DDR2: variants seen among roughly 807,000 people sequenced by gnomAD.
DDR2 encodes discoidin domain-containing receptor 2.
Under a neutral mutation model 94.9 loss-of-function variants are expected in DDR2, and 27 were observed. The ratio of observed to expected loss-of-function variants is 0.28; its 90% CI spans 0.21 to 0.39. DDR2 has a LOEUF of 0.39. DDR2 is among the 10% of genes least tolerant of loss of function. The pLI is 1.00. For missense variants in DDR2, 783 were observed against 1,076.0 expected (o/e 0.73, Z 3.81); for synonymous variants, 382 against 377.2 (o/e 1.01, Z -0.15).
At chr1:162,667,638 A>G (rs1453888277) in intron 2 of DDR2, among the ~76,000 whole-genome samples, 1 of 152,234 alleles carries the variant, frequency 6.6e-6, no homozygotes, top group Non-Finnish European at 1.5e-5. Context: ...GACCAGCATA[A>G]GAAGAGCTGT....
At chr1:162,666,169 A>G (rs950527995) in intron 2 of DDR2, among the ~76,000 whole-genome samples, 3 of 152,202 alleles carry the variant, frequency 2.0e-5, no homozygotes, top group Non-Finnish European at 4.4e-5. Flanking sequence ...CAACCTCACA[A>G]GAGGAGTCAG....
intron 2 of DDR2, among the ~76,000 whole-genome samples, chr1:162,665,723 C>T (rs367585726): frequency 5.9e-5 from 9 of 152,262 alleles, no homozygotes; most frequent in Non-Finnish European, 7.4e-5. Flanking sequence ...GAACACTTCT[C>T]TAAATCCTTT....
chr1:162,680,916 GA>G, intron 2 of DDR2, among the ~76,000 whole-genome samples: 1 of 152,300 alleles, frequency 6.6e-6, no homozygotes, highest in East Asian at 1.9e-4. Flanking sequence ...GGGACTTGCT[GA>G]TTATCTTTGG....
intron 5 of DDR2, 117 bp from the exon 6 acceptor site, chr1:162,755,039 T>G: frequency 1.3e-6 from 2 of 1,493,260 alleles, no homozygotes; most frequent in Non-Finnish European, 1.9e-6. Context: ...GAAAGCAGAG[T>G]AGATGCATTC....
At chr1:162,767,711 A>ATT (rs1010540011) in intron 11 of DDR2, among the ~76,000 whole-genome samples, 1 of 152,192 alleles carries the variant, frequency 6.6e-6, no homozygotes, top group Non-Finnish European at 1.5e-5. Context: ...TCTGATGCAC[A>ATT]TTCGAGGTTA....
rs139858685 is a variant in DDR2 at position 162,694,555 on chromosome 1, C to T, written c.-27-24482C>T. Among the ~76,000 whole-genome samples, 1,223 of 152,278 alleles carry T rather than the reference C, an allele frequency of 8.0e-3. 8 individuals carry two copies. The highest frequency in any genetic ancestry group is 0.013 in the Non-Finnish European group (865 of 68,016). On this transcript the variant is annotated intron_variant, in intron 2 of 17. Coordinates refer to ENST00000367921, the MANE Select transcript of DDR2 (RefSeq NM_006182.4). Reference sequence around the variant, plus strand: ...TGGCCAAGTCCCTGTGTTCTCCTATCGTTGCCCCGTCATATCATTTTGTCA... The same window carrying T: ...TGGCCAAGTCCCTGTGTTCTCCTATTGTTGCCCCGTCATATCATTTTGTCA...
chr1:162,711,239 A>T (rs1049165743), intron 2 of DDR2, among the ~76,000 whole-genome samples: 1 of 152,208 alleles, frequency 6.6e-6, no homozygotes, highest in African/African-American at 2.4e-5. Context: ...CCAGCACTGG[A>T]TTCTTTTGTC....
Position 162,782,512 on chromosome 1 carries a change from A to G in DDR2, c.*2266A>G, listed in dbSNP as rs1335141665. 1.3e-5 allele frequency: 2 copies of G among 152,166 alleles called. No homozygotes were observed. The highest frequency in any genetic ancestry group is 2.9e-5 in the Non-Finnish European group (2 of 68,024). 9.4% of individuals were successfully genotyped at this position (152,166 alleles called of 1,614,324 possible). On this transcript the variant is annotated 3_prime_UTR_variant, in exon 18 of 18. Coordinates refer to ENST00000367921, the MANE Select transcript of DDR2 (RefSeq NM_006182.4). The stretch of plus-strand genomic sequence containing the variant: ...GATACCTTGGGACCTGCCACACTCC[A>G]CTTTCAAGATATGTATTAGCTTCAT...
chr1:162,652,606 A>G (rs1208871021), intron 1 of DDR2, among the ~76,000 whole-genome samples: 1 of 152,236 alleles, frequency 6.6e-6, no homozygotes. Flanking sequence ...TTCACAGACA[A>G]TAAGGAGAGA....
intron 3 of DDR2, among the ~76,000 whole-genome samples, chr1:162,719,419 A>G (rs1280131302): frequency 1.3e-5 from 2 of 152,228 alleles, no homozygotes; most frequent in African/African-American, 4.8e-5. Context: ...GAGGTGGCAG[A>G]AGCAACCATT....
At chr1:162,706,094 C>T (rs1660648909) in intron 2 of DDR2, among the ~76,000 whole-genome samples, 1 of 152,122 alleles carries the variant, frequency 6.6e-6, no homozygotes. Context: ...ATTATTGTGG[C>T]CTAGAAGAAG....
intron 3 of DDR2, among the ~76,000 whole-genome samples, chr1:162,731,588 A>G (rs1662048113): frequency 6.6e-6 from 1 of 152,208 alleles, no homozygotes; most frequent in Admixed American, 6.5e-5. Context: ...TACTACCATG[A>G]AATTGAGAGG....
intron 2 of DDR2, among the ~76,000 whole-genome samples, chr1:162,717,046 C>G (rs1448202210): frequency 6.6e-6 from 1 of 151,428 alleles, no homozygotes; most frequent in Non-Finnish European, 1.5e-5. Context: ...TATTCTAGAA[C>G]AGTTTTTTTT....
chr1:162,690,723 TAA>T (rs1368737698), intron 2 of DDR2, among the ~76,000 whole-genome samples: 2 of 152,170 alleles, frequency 1.3e-5, no homozygotes, highest in South Asian at 2.1e-4. Context: ...TGACTAAAAA[TAA>T]ATTAAAGCAA....
At chr1:162,773,676 T>A in intron 14 of DDR2, 80 bp downstream of exon 14, 1 of 1,593,418 alleles carries the variant, frequency 6.3e-7, no homozygotes, top group African/African-American at 1.3e-5. Context: ...TTCTGAGCAA[T>A]TTTTTCTTTT....
chr1:162,655,089 C>T (rs1256193589), intron 1 of DDR2, 122 bp from the exon 2 acceptor site: 1 of 151,976 alleles, frequency 6.6e-6, no homozygotes, highest in Non-Finnish European at 1.5e-5. Context: ...CATCCAATTC[C>T]TTTAGTGCCT....
At chr1:162,755,818 GAAT>G (rs898244107) in intron 7 of DDR2, 49 bp downstream of exon 7, 8 of 1,445,302 alleles carry the variant, frequency 5.5e-6, no homozygotes, top group Non-Finnish European at 7.8e-6. Context: ...CACTAAGAAA[GAAT>G]AATATTTTAT....
At chr1:162,743,365 C>T (rs569306934) in intron 3 of DDR2, among the ~76,000 whole-genome samples, 1 of 152,092 alleles carries the variant, frequency 6.6e-6, no homozygotes, top group Admixed American at 6.5e-5. Flanking sequence ...TCACGTGAAA[C>T]CTTTTTCCCT....
chr1:162,727,010 T>C (rs1448832851), intron 3 of DDR2, among the ~76,000 whole-genome samples: 3 of 148,022 alleles, frequency 2.0e-5, no homozygotes, highest in African/African-American at 7.4e-5. Context: ...GAAAAGGATA[T>C]GAAACAAATA....
Sources: gnomAD v4.1 joint callset for allele counts (sites outside exome capture counted in the v4.1 genomes callset) on GRCh38, gnomAD v4.1.1 for gene constraint, MANE v1.5 for transcripts, NCBI Gene and HGNC (gene_info 2026-07-23, HGNC 2026-07-21) for gene names.